SFXN5: variants seen among roughly 807,000 people sequenced by gnomAD.
SFXN5 encodes sideroflexin 5.
A neutral mutation model predicts 50.2 loss-of-function variants in SFXN5; 43 were observed. The observed-to-expected ratio is 0.86, with a 90% CI of 0.67 to 1.11. SFXN5 has a LOEUF of 1.11. SFXN5 is among the 50% of genes least tolerant of loss of function. SFXN5 has a pLI of 0.00. For missense variants in SFXN5, 463 were observed against 454.1 expected (o/e 1.02, Z -0.18); for synonymous variants, 203 against 185.8 (o/e 1.09, Z -0.75).
At chr2:73,066,903 C>T (rs1683219819) in intron 1 of SFXN5, among the ~76,000 whole-genome samples, 1 of 151,980 alleles carries the variant, frequency 6.6e-6, no homozygotes. Context: ...CATATAGCCA[C>T]GCATGGTGGC....
chr2:73,027,541 T>C (rs1360136899), intron 3 of SFXN5, among the ~76,000 whole-genome samples: 1 of 152,232 alleles, frequency 6.6e-6, no homozygotes, highest in Non-Finnish European at 1.5e-5. Context: ...CCTACAGTAG[T>C]GCACAGTCAT....
intron 3 of SFXN5, among the ~76,000 whole-genome samples, chr2:73,025,014 A>G (rs1259786740): frequency 1.3e-5 from 2 of 152,172 alleles, no homozygotes; most frequent in African/African-American, 2.4e-5. Context: ...ACCCAGGCAG[A>G]TTAGAAGCAG....
In SFXN5 at chr2:72,944,596, C is replaced by G. The variant is rs1671726943; in HGVS notation, c.*426G>C. The G allele has an allele frequency of 6.0e-6, 1 of 166,068 alleles. No individual in the cohort carries two copies. The highest frequency in any genetic ancestry group is 1.6e-4 in the South Asian group (1 of 6,388). 10.3% of individuals were successfully genotyped at this position (166,068 alleles called of 1,614,324 possible). On this transcript the variant is annotated 3_prime_UTR_variant, in exon 14 of 14. Coordinates refer to ENST00000272433, the MANE Select transcript of SFXN5 (RefSeq NM_144579.3). Reference sequence around the variant, plus strand: ...AAACCAGCCCAACTCCAGGCCTAATCTGGCTCGCCTCCACCTGTCCTCCTG... The same window carrying G: ...AAACCAGCCCAACTCCAGGCCTAATGTGGCTCGCCTCCACCTGTCCTCCTG...
At chr2:73,021,754 G>A (rs1434096099) in intron 5 of SFXN5, among the ~76,000 whole-genome samples, 1 of 152,180 alleles carries the variant, frequency 6.6e-6, no homozygotes, top group African/African-American at 2.4e-5. Flanking sequence ...ATAATTCAAG[G>A]TGGCTGTGCC....
At chr2:72,976,949 A>G (rs1212433760) in intron 10 of SFXN5, among the ~76,000 whole-genome samples, 2 of 152,210 alleles carry the variant, frequency 1.3e-5, no homozygotes, top group Non-Finnish European at 2.9e-5. Flanking sequence ...CCTAAGAGCT[A>G]TTCTACCCCC....
rs970828056 is a variant in SFXN5 at position 72,953,670 on chromosome 2, G to T, written c.945+7461C>A. Among the ~76,000 whole-genome samples, 1 of 152,218 alleles carries T rather than the reference G, an allele frequency of 6.6e-6. No homozygotes were observed. The highest frequency in any genetic ancestry group is 1.5e-5 in the Non-Finnish European group (1 of 68,040). On this transcript the variant is annotated intron_variant, in intron 13 of 13. Coordinates refer to ENST00000272433, the MANE Select transcript of SFXN5 (RefSeq NM_144579.3). This position sits in a 1 kb window ranked among gnomAD's most constrained non-coding sequence, Gnocchi z 4.1. Reference sequence around the variant, plus strand: ...AAAACACACCACCAGAGCCTACACAGGTGAGGTGAGACAGATCTTAGTGGG... The same window carrying T: ...AAAACACACCACCAGAGCCTACACATGTGAGGTGAGACAGATCTTAGTGGG...
At chr2:73,050,740 G>C (rs1046396833) in intron 2 of SFXN5, among the ~76,000 whole-genome samples, 3 of 152,162 alleles carry the variant, frequency 2.0e-5, no homozygotes, top group African/African-American at 7.2e-5. Context: ...CTTCCTTCTA[G>C]CCATACTAAT....
intron 12 of SFXN5, among the ~76,000 whole-genome samples, chr2:72,964,541 C>T (rs1674146812): frequency 6.6e-6 from 1 of 152,234 alleles, no homozygotes; most frequent in African/African-American, 2.4e-5. Context: ...AGAGGTGGAG[C>T]AGGAACCTAG....
rs1363423357 is a variant in SFXN5, at chr2:73,047,030, G to A, written c.172-6099C>T. 5.3e-5 allele frequency among the ~76,000 whole-genome samples: 8 copies of A among 150,088 alleles called. No individual in the cohort carries two copies. The South Asian group carries it at 1.7e-3, about 31-fold the overall frequency. On this transcript the variant is annotated intron_variant, in intron 2 of 13. Transcript: ENST00000272433. Reference sequence around the variant, plus strand: ...TCATGAGGTCAGGAGTTCAAGACCAGCCTGGACAACATGGTGAAACTCCAT... The same window carrying A: ...TCATGAGGTCAGGAGTTCAAGACCAACCTGGACAACATGGTGAAACTCCAT...
At chr2:73,035,036 C>A (rs1353420188) in intron 3 of SFXN5, among the ~76,000 whole-genome samples, 2 of 152,164 alleles carry the variant, frequency 1.3e-5, no homozygotes, top group Non-Finnish European at 2.9e-5. Flanking sequence ...AGCTATGTGA[C>A]CTTAGGAAAA....
chr2:73,011,605 G>C (rs1675502467), intron 6 of SFXN5, among the ~76,000 whole-genome samples: 1 of 152,274 alleles, frequency 6.6e-6, no homozygotes, highest in African/African-American at 2.4e-5. Flanking sequence ...TGGACAAAGA[G>C]TGTGAACAGG....
chr2:72,951,109 TG>T (rs1353337605), intron 13 of SFXN5, among the ~76,000 whole-genome samples: 1 of 152,054 alleles, frequency 6.6e-6, no homozygotes, highest in Non-Finnish European at 1.5e-5. Context: ...CAGGGAGCAC[TG>T]CCTGATGGTC....
At chr2:72,988,027 G>A (rs925759975) in intron 10 of SFXN5, among the ~76,000 whole-genome samples, 1 of 152,232 alleles carries the variant, frequency 6.6e-6, no homozygotes, top group Admixed American at 6.5e-5. Context: ...ACCCCTTGGG[G>A]GTCTGGGACT....
At chr2:72,977,956 G>T (rs1039329837) in intron 10 of SFXN5, among the ~76,000 whole-genome samples, 4 of 129,494 alleles carry the variant, frequency 3.1e-5, no homozygotes, top group Non-Finnish European at 4.7e-5. Context: ...CTGGGCAACA[G>T]AGAGAGACTC....
At chr2:72,948,846 G>T (rs1251169231) in intron 13 of SFXN5, among the ~76,000 whole-genome samples, 1 of 152,204 alleles carries the variant, frequency 6.6e-6, no homozygotes, top group African/African-American at 2.4e-5. Flanking sequence ...CCTCCTGTCA[G>T]CAGATGTTGA....
At chr2:72,946,534 T>C (rs948594668) in intron 13 of SFXN5, among the ~76,000 whole-genome samples, 1 of 152,152 alleles carries the variant, frequency 6.6e-6, no homozygotes, top group Admixed American at 6.5e-5. Flanking sequence ...GCAGCCTTGT[T>C]TCTCCCTGGA....
chr2:72,944,235 G>C lies in SFXN5; in HGVS notation c.*787C>G, dbSNP rs1056041321. On this transcript the variant is annotated 3_prime_UTR_variant, in exon 14 of 14. Transcript: ENST00000272433. ...CTGCCAAGCACCATTCCTTCTCGGG[G>C]TTTCCTGCCTGGAGCTGGGGTCACT... The C allele has an allele frequency of 2.6e-5, 4 of 152,252 alleles. No homozygotes were observed. The highest frequency in any genetic ancestry group is 5.9e-5 in the Non-Finnish European group (4 of 68,068). 9.4% of individuals were successfully genotyped at this position (152,252 alleles called of 1,614,324 possible).
At chr2:72,990,784 T>C (rs1488802490) in intron 9 of SFXN5, among the ~76,000 whole-genome samples, 3 of 152,206 alleles carry the variant, frequency 2.0e-5, no homozygotes, top group Non-Finnish European at 4.4e-5. Context: ...GACTTTCCCA[T>C]TGTCTTCCAC....
At chr2:73,067,932 G>A (rs140475480) in intron 1 of SFXN5, among the ~76,000 whole-genome samples, 2 of 152,326 alleles carry the variant, frequency 1.3e-5, no homozygotes, top group Non-Finnish European at 2.9e-5. Flanking sequence ...CATTGCACCT[G>A]CTTCACAGGG....
Sources: allele counts gnomAD v4.1 joint callset (sites outside exome capture counted in the v4.1 genomes callset), GRCh38; gene constraint gnomAD v4.1.1; non-coding constraint Gnocchi (gnomAD v3.1); transcripts MANE v1.5; gene names NCBI Gene and HGNC (gene_info 2026-07-23, HGNC 2026-07-21).